WWOX: variants seen among roughly 807,000 people sequenced by gnomAD.
The protein encoded by WWOX is WW domain containing oxidoreductase, also known as WW domain-containing oxidoreductase.
In WWOX, 69 loss-of-function variants were observed where a neutral mutation model predicts 46.2. The ratio of observed to expected loss-of-function variants is 1.49; its 90% CI spans 1.23 to 1.82. The LOEUF (loss-of-function observed/expected upper bound fraction) is 1.82, where lower values mean the gene tolerates loss of function less well. Among genes scored for constraint, WWOX ranks in the 40% most tolerant of loss-of-function variants. The pLI, the probability that WWOX is intolerant of heterozygous loss-of-function variation, is 0.00. For missense variants in WWOX, 919 were observed against 542.6 expected, an observed-to-expected ratio of 1.69 and a Z score of -6.89; for synonymous variants, 359 against 202.6, an observed-to-expected ratio of 1.77 and a Z score of -6.56.
At chr16:79,027,956 G>A (rs2047678684) in intron 8 of WWOX, among the ~76,000 whole-genome samples, 1 of 151,454 alleles carries the variant, frequency 6.6e-6, no homozygotes, top group Non-Finnish European at 1.5e-5. Flanking sequence ...TTTTGTTGTT[G>A]TTTGTTTGTT....
chr16:78,992,018 C>T (rs896248572), intron 8 of WWOX, among the ~76,000 whole-genome samples: 6 of 152,194 alleles, frequency 3.9e-5, no homozygotes. Flanking sequence ...AGGATCTTCT[C>T]CCTCTCCCCA....
chr16:78,111,658 A>G (rs893524539), intron 3 of WWOX, among the ~76,000 whole-genome samples: 3 of 152,176 alleles, frequency 2.0e-5, no homozygotes, highest in Non-Finnish European at 2.9e-5. Context: ...GCCCACAGTC[A>G]TCCGGAGGCC....
At chr16:78,578,276 A>ATTTTTTTTTTT (rs2044948523) in intron 8 of WWOX, among the ~76,000 whole-genome samples, 2 of 32,932 alleles carry the variant, frequency 6.1e-5, no homozygotes, top group Admixed American at 3.8e-4. Context: ...ATATATATAT[A>ATTTTTTTTTTT]TATATATATT....
At chr16:78,393,611 C>CT (rs1470508784) in intron 6 of WWOX, among the ~76,000 whole-genome samples, 1 of 152,154 alleles carries the variant, frequency 6.6e-6, no homozygotes, top group Non-Finnish European at 1.5e-5. Context: ...ATATTTATTA[C>CT]TTAGATTGCA....
chr16:78,295,692 C>G (rs1296036050), intron 5 of WWOX, among the ~76,000 whole-genome samples: 5 of 151,324 alleles, frequency 3.3e-5, no homozygotes, highest in African/African-American at 1.2e-4. Context: ...GCCTGGGTGG[C>G]TGAGAAAGAC....
intron 8 of WWOX, among the ~76,000 whole-genome samples, chr16:78,479,833 G>T (rs1034584742): frequency 2.6e-5 from 4 of 152,228 alleles, no homozygotes; most frequent in African/African-American, 9.6e-5. Context: ...GCCAGGCTGA[G>T]GCTGGCACCA....
chr16:78,716,508 T>C (rs1038743791), intron 8 of WWOX, among the ~76,000 whole-genome samples: 12 of 152,120 alleles, frequency 7.9e-5, no homozygotes, highest in Non-Finnish European at 1.8e-4. Flanking sequence ...GCACTGCTTA[T>C]TTTAGGGGAT....
chr16:78,566,940 C>G (rs1244148413), intron 8 of WWOX, among the ~76,000 whole-genome samples: 1 of 152,196 alleles, frequency 6.6e-6, no homozygotes. Flanking sequence ...CGATAGCAAT[C>G]ATAGTAATTA....
At chr16:78,587,472 T>G (rs1028225368) in intron 8 of WWOX, among the ~76,000 whole-genome samples, 1 of 152,156 alleles carries the variant, frequency 6.6e-6, no homozygotes, top group Admixed American at 6.5e-5. Flanking sequence ...CATAATTGAT[T>G]CCAAACGTGC....
intron 8 of WWOX, among the ~76,000 whole-genome samples, chr16:78,756,397 G>T (rs1248788255): frequency 6.6e-6 from 1 of 152,158 alleles, no homozygotes; most frequent in African/African-American, 2.4e-5. Flanking sequence ...GAACTCCAGA[G>T]GACTCTTAAA....
At chr16:79,006,775 C>A (rs534752066) in intron 8 of WWOX, among the ~76,000 whole-genome samples, 1 of 152,252 alleles carries the variant, frequency 6.6e-6, no homozygotes, top group Admixed American at 6.5e-5. Context: ...TTCATGGACT[C>A]AGGGTCCCTT....
intron 8 of WWOX, among the ~76,000 whole-genome samples, chr16:78,992,113 GT>G (rs2046899336): frequency 6.6e-6 from 1 of 152,128 alleles, no homozygotes; most frequent in Admixed American, 6.5e-5. Context: ...TACTAAAGAT[GT>G]AGCAATGAGT....
intron 5 of WWOX, among the ~76,000 whole-genome samples, chr16:78,284,488 A>C (rs1367364190): frequency 6.6e-6 from 1 of 152,210 alleles, no homozygotes. Flanking sequence ...AGCTCAGAGG[A>C]AATGTGTTGT....
chr16:78,592,620 A>G (rs1390878730), intron 8 of WWOX, among the ~76,000 whole-genome samples: 1 of 152,208 alleles, frequency 6.6e-6, no homozygotes, highest in Non-Finnish European at 1.5e-5. Flanking sequence ...GAGCTGGAAG[A>G]CAAGGCCTGG....
intron 8 of WWOX, among the ~76,000 whole-genome samples, chr16:79,125,947 A>C (rs1263130582): frequency 6.6e-6 from 1 of 152,218 alleles, no homozygotes; most frequent in African/African-American, 2.4e-5. Flanking sequence ...TGAGTGCAGG[A>C]ATCCGGCTGG....
chr16:78,348,203 A>C lies in WWOX; in HGVS notation c.517-38657A>C, dbSNP rs2081125234. 3.3e-5 allele frequency among the ~76,000 whole-genome samples: 4 copies of C among 121,672 alleles called. 2 individuals carry two copies. Among genetic ancestry groups the C allele is most frequent in the Non-Finnish European group, 7.9e-5 (4 of 50,824 alleles). 79.8% of individuals were successfully genotyped at this position (121,672 alleles called of 152,430 possible). ...CTGGGCCATAGCTGTGTTTCTTCTT[A>C]ACAAGGCAGAAGCCCAGAAGAGACT... On this transcript the variant is annotated intron_variant, in intron 5 of 8. Transcript: ENST00000566780.
intron 8 of WWOX, among the ~76,000 whole-genome samples, chr16:78,591,701 A>G (rs2045355912): frequency 6.6e-6 from 1 of 152,210 alleles, no homozygotes; most frequent in Non-Finnish European, 1.5e-5. Flanking sequence ...ACAGGGAGAA[A>G]AGACTGAGAT....
At chr16:78,327,766 A>G (rs569690244) in intron 5 of WWOX, among the ~76,000 whole-genome samples, 2 of 151,986 alleles carry the variant, frequency 1.3e-5, no homozygotes, top group East Asian at 1.9e-4. Context: ...TATTTAGTCT[A>G]CAGTGGTTCT....
At chr16:78,369,485 C>T (rs1000228276) in intron 5 of WWOX, among the ~76,000 whole-genome samples, 8 of 152,114 alleles carry the variant, frequency 5.3e-5, no homozygotes, top group Non-Finnish European at 7.3e-5. Context: ...CTGGTAGGGT[C>T]GAGTCTCCTC....
Sources: gnomAD v4.1 joint callset for allele counts (sites outside exome capture counted in the v4.1 genomes callset) on GRCh38, gnomAD v4.1.1 for gene constraint, MANE v1.5 for transcripts, NCBI Gene and HGNC (gene_info 2026-07-23, HGNC 2026-07-21) for gene names.